The following SMYD3 variants were observed in gnomAD, a reference collection of about 807,000 sequenced individuals.
SMYD3 encodes the protein histone-lysine N-methyltransferase SMYD3.
SMYD3 carries 36 observed loss-of-function variants against 57.7 expected under a neutral mutation model. The observed-to-expected ratio is 0.62, with a 90% CI of 0.48 to 0.82. SMYD3 has a LOEUF of 0.82. SMYD3 is among the 40% of genes least tolerant of loss of function. The pLI, the probability that SMYD3 is intolerant of heterozygous loss-of-function variation, is 0.00. For missense variants in SMYD3, 515 were observed against 538.8 expected, an observed-to-expected ratio of 0.96 and a Z score of 0.44; for synonymous variants, 211 against 195.0, an observed-to-expected ratio of 1.08 and a Z score of -0.68.
At chr1:246,484,989 C>T (rs1378868216) in intron 1 of SMYD3, among the ~76,000 whole-genome samples, 62 of 2,022 alleles carry the variant, frequency 0.031, 9 homozygotes, top group African/African-American at 0.11. Context: ...AACACATCGC[C>T]TCAACCAAAA....
intron 1 of SMYD3, among the ~76,000 whole-genome samples, chr1:246,420,765 AC>A (rs896686112): frequency 6.6e-6 from 1 of 152,250 alleles, no homozygotes; most frequent in Admixed American, 6.5e-5. Context: ...GGTAGTGCCC[AC>A]TAAAATTATA....
intron 5 of SMYD3, among the ~76,000 whole-genome samples, chr1:246,160,968 C>T (rs2062108813): frequency 6.6e-6 from 1 of 152,184 alleles, no homozygotes; most frequent in Non-Finnish European, 1.5e-5. Flanking sequence ...TGTTTGCTTA[C>T]TCCTCTCGCC....
chr1:245,769,608 C>T (rs1380865354), intron 10 of SMYD3, among the ~76,000 whole-genome samples: 1 of 152,176 alleles, frequency 6.6e-6, no homozygotes, highest in East Asian at 1.9e-4. Flanking sequence ...CCTTGTGTAT[C>T]CTTACTCAGC....
chr1:246,183,133 G>A (rs1317249356), intron 5 of SMYD3, among the ~76,000 whole-genome samples: 1 of 152,140 alleles, frequency 6.6e-6, no homozygotes, highest in Non-Finnish European at 1.5e-5. Flanking sequence ...CCAAGGACAG[G>A]TAGCTAAAGT....
chr1:245,764,209 A>T, intron 10 of SMYD3, 60 bp from the exon 11 acceptor site: 1 of 1,137,084 alleles, frequency 8.8e-7, no homozygotes, highest in African/African-American at 1.5e-5. Flanking sequence ...TCAGCATTTC[A>T]TCAGGAGACT....
intron 8 of SMYD3, among the ~76,000 whole-genome samples, chr1:245,896,665 C>G (rs2053824826): frequency 6.6e-6 from 1 of 152,188 alleles, no homozygotes; most frequent in South Asian, 2.1e-4. Context: ...ATGACCTGTT[C>G]CCCTGTGCTA....
chr1:246,137,359 A>G (rs1175366235), intron 5 of SMYD3, among the ~76,000 whole-genome samples: 1 of 152,200 alleles, frequency 6.6e-6, no homozygotes. Context: ...TACAAGGACA[A>G]TATAAGGGTA....
intron 10 of SMYD3, among the ~76,000 whole-genome samples, chr1:245,836,250 G>A (rs535930886): frequency 6.6e-6 from 1 of 152,326 alleles, no homozygotes; most frequent in South Asian, 2.1e-4. Context: ...CTATGATACA[G>A]TCCAAGACAG....
chr1:245,889,306 T>C (rs1212990873), intron 8 of SMYD3, among the ~76,000 whole-genome samples: 1 of 152,228 alleles, frequency 6.6e-6, no homozygotes, highest in South Asian at 2.1e-4. Context: ...TTAATTTCTA[T>C]AGAGAGTGAG....
At chr1:246,432,957 T>C (rs2067319679) in intron 1 of SMYD3, among the ~76,000 whole-genome samples, 1 of 152,168 alleles carries the variant, frequency 6.6e-6, no homozygotes, top group Admixed American at 6.5e-5. Flanking sequence ...AATGCATTTC[T>C]GGAAGTCCTA....
At chr1:246,293,965 T>C (rs1442713866) in intron 5 of SMYD3, among the ~76,000 whole-genome samples, 1 of 152,220 alleles carries the variant, frequency 6.6e-6, no homozygotes, top group East Asian at 1.9e-4. Context: ...CTTGAAGCTG[T>C]TGACCTCCAT....
chr1:246,035,575 A>G (rs1420353251), intron 5 of SMYD3: 1 of 152,216 alleles, frequency 6.6e-6, no homozygotes, highest in Non-Finnish European at 1.5e-5. Context: ...ACAGGATAAG[A>G]GAATTTCCAT....
chr1:246,455,482 T>C (rs1310440125), intron 1 of SMYD3, among the ~76,000 whole-genome samples: 2 of 152,232 alleles, frequency 1.3e-5, no homozygotes, highest in Non-Finnish European at 2.9e-5. Flanking sequence ...TTCATTGAGC[T>C]ATTACCAAAT....
rs560716650 is a variant in SMYD3 at position 246,002,334 on chromosome 1, G to A, written c.532-72397C>T. ...CGAGTAGCTGGGACTGCAGGCTCCC[G>A]CCACCACGCCCGGCTAATTTTTTGT... On this transcript the variant is annotated intron_variant, in intron 5 of 11. Transcript: ENST00000490107. Among the ~76,000 whole-genome samples, 150 of 65,288 alleles carry A rather than the reference G, an allele frequency of 2.3e-3. 3 individuals are homozygous for A. Among genetic ancestry groups the A allele is most frequent in the African/African-American group, 6.4e-3 (144 of 22,648 alleles). 42.8% of individuals were successfully genotyped at this position (65,288 alleles called of 152,430 possible).
At chr1:246,067,334 A>G (rs1178263862) in intron 5 of SMYD3, among the ~76,000 whole-genome samples, 1 of 152,178 alleles carries the variant, frequency 6.6e-6, no homozygotes. Context: ...AGCTGGAACT[A>G]TCTAATGGGC....
chr1:246,028,542 TAGA>T (rs1221758235), intron 5 of SMYD3, among the ~76,000 whole-genome samples: 1 of 152,162 alleles, frequency 6.6e-6, no homozygotes, highest in Non-Finnish European at 1.5e-5. Flanking sequence ...GAGAGAACTC[TAGA>T]AGGACAACTA....
At chr1:245,838,743 C>T (rs1393242445) in intron 10 of SMYD3, among the ~76,000 whole-genome samples, 2 of 152,050 alleles carry the variant, frequency 1.3e-5, no homozygotes, top group African/African-American at 2.4e-5. Flanking sequence ...ATAAGAGGTA[C>T]GTATATAAAT....
At chr1:245,775,200 G>A (rs1041550126) in intron 10 of SMYD3, among the ~76,000 whole-genome samples, 9 of 152,174 alleles carry the variant, frequency 5.9e-5, no homozygotes, top group Non-Finnish European at 1.0e-4. Context: ...CCGGCCAGCC[G>A]CCCTGTCCGG....
chr1:246,036,961 C>G (rs1468427310), intron 5 of SMYD3, among the ~76,000 whole-genome samples: 1 of 152,092 alleles, frequency 6.6e-6, no homozygotes, highest in African/African-American at 2.4e-5. Context: ...CATATGAGGA[C>G]ACAAAGAGCT....
Sources: gnomAD v4.1 joint callset for allele counts (sites outside exome capture counted in the v4.1 genomes callset) on GRCh38, gnomAD v4.1.1 for gene constraint, MANE v1.5 for transcripts, NCBI Gene and HGNC (gene_info 2026-07-23, HGNC 2026-07-21) for gene names.